Variants in DNAH9 observed in about 807,000 individuals in gnomAD.
DNAH9 encodes dynein axonemal heavy chain 9.
A neutral mutation model predicts 471.6 loss-of-function variants in DNAH9; 345 were observed. That is an observed-to-expected ratio of 0.73 (90% CI 0.67 to 0.80). The LOEUF (loss-of-function observed/expected upper bound fraction) is 0.80, where lower values mean the gene tolerates loss of function less well. Ranked by LOEUF, DNAH9 falls within the 30% of genes least tolerant of loss-of-function variation. The pLI is 0.00. For synonymous variants in DNAH9, 2,093 were observed against 2,123.6 expected (o/e 0.99, Z 0.40); for missense variants, 5,407 against 5,609.2 (o/e 0.96, Z 1.15).
chr17:11,754,946 C>A (rs1159241489), intron 33 of DNAH9, among the ~76,000 whole-genome samples: 1 of 152,052 alleles, frequency 6.6e-6, no homozygotes, highest in Non-Finnish European at 1.5e-5. Flanking sequence ...TCTTCCAGGG[C>A]TTTTATAGTT....
chr17:11,784,631 A>C, intron 41 of DNAH9, 92 bp downstream of exon 41: 13 of 1,557,350 alleles, frequency 8.3e-6, no homozygotes, highest in South Asian at 1.2e-5. Flanking sequence ...TGCCCAGCTC[A>C]TAGGCACAGG....
chr17:11,760,187 G>A (rs936676751), intron 35 of DNAH9, among the ~76,000 whole-genome samples: 1 of 152,172 alleles, frequency 6.6e-6, no homozygotes, highest in Admixed American at 6.5e-5. Flanking sequence ...CTTCGCTATT[G>A]TGAATAGTGC....
intron 36 of DNAH9, among the ~76,000 whole-genome samples, chr17:11,768,192 G>C (rs1968046783): frequency 6.6e-6 from 1 of 152,178 alleles, no homozygotes; most frequent in African/African-American, 2.4e-5. Flanking sequence ...CCCTTCAGTG[G>C]CTGTAAGACA....
chr17:11,702,859 G>T (rs533311391), intron 24 of DNAH9, among the ~76,000 whole-genome samples: 11 of 152,266 alleles, frequency 7.2e-5, no homozygotes, highest in African/African-American at 1.7e-4. Flanking sequence ...TTGGGAGGCT[G>T]AGGTGGGTGG....
chr17:11,669,561 T>A lies in DNAH9; in HGVS notation c.3120T>A (p.Ile1040=), dbSNP rs2073941323. Residue 1040 remains isoleucine (I), a synonymous_variant, in exon 17 of 69, where the codon ATT becomes ATA. Coordinates refer to ENST00000262442, the MANE Select transcript of DNAH9 (RefSeq NM_001372.4). ...LYGHILTPEE[I]EDHVEDGIPE... ...GGCACATCCTCACTCCGGAAGAAAT[T>A]GAAGACCATGTGGAAGATGGCATCC... 6.2e-7 allele frequency: 1 copy of A among 1,614,022 alleles called. No individual in the cohort carries two copies. Among genetic ancestry groups the A allele is most frequent in the Non-Finnish European group, 8.5e-7 (1 of 1,180,038 alleles).
intron 1 of DNAH9, among the ~76,000 whole-genome samples, chr17:11,600,571 A>G (rs1452893931): frequency 3.9e-5 from 6 of 152,252 alleles, no homozygotes; most frequent in African/African-American, 7.2e-5. Flanking sequence ...ATGTTCATCA[A>G]CAGGGGACTG....
intron 2 of DNAH9, among the ~76,000 whole-genome samples, chr17:11,608,578 A>T (rs1567661020): frequency 6.6e-6 from 1 of 152,122 alleles, no homozygotes; most frequent in African/African-American, 2.4e-5. Context: ...TCCTTTCAGA[A>T]TCATTTCAGG....
At chr17:11,669,323 C>G (rs2073936169) in intron 16 of DNAH9, 47 bp from the exon 17 acceptor site, 2 of 1,595,798 alleles carry the variant, frequency 1.3e-6, no homozygotes, top group Non-Finnish European at 8.5e-7. Flanking sequence ...CTCGAACTTC[C>G]TGCCACACAC....
Position 11,704,203 on chromosome 17 carries a change from G to A in DNAH9, c.5152G>A (p.Val1718Met). Residue 1718 changes from valine to methionine, a missense_variant and splice_region_variant, in exon 25 of 69, where the codon GTG becomes ATG. This residue lies in a region of DNAH9 where 4,636 missense variants were observed against 4,900.3 expected (regional missense o/e 0.95). Coordinates refer to ENST00000262442, the MANE Select transcript of DNAH9 (RefSeq NM_001372.4). The stretch of plus-strand genomic sequence containing the variant: ...TACTAGGCAACTCTTGCTGCCACAG[G>A]TGGCCCTGACCTGTACTCAGATCTG... ...EQWLFDHPAQ[V>M]ALTCTQIWWT... The A allele has an allele frequency of 6.2e-7, 1 of 1,614,080 alleles. No homozygotes were observed. The highest frequency in any genetic ancestry group is 8.5e-7 in the Non-Finnish European group (1 of 1,180,002).
intron 20 of DNAH9, among the ~76,000 whole-genome samples, chr17:11,692,553 G>A (rs964482240): frequency 1.3e-5 from 2 of 152,166 alleles, no homozygotes; most frequent in African/African-American, 4.8e-5. Flanking sequence ...CAGAAAGAAC[G>A]TTAGATCCAC....
chr17:11,917,345 T>C (rs1001093429), intron 61 of DNAH9, among the ~76,000 whole-genome samples: 7 of 152,050 alleles, frequency 4.6e-5, no homozygotes, highest in South Asian at 2.1e-4. Context: ...TTAGTAGAGA[T>C]GGGGTTTCAC....
chr17:11,946,850 T>C (rs965886135), intron 67 of DNAH9, among the ~76,000 whole-genome samples: 4 of 152,164 alleles, frequency 2.6e-5, no homozygotes, highest in African/African-American at 9.7e-5. Flanking sequence ...AACACATTAA[T>C]TGGACAAACC....
At chr17:11,858,835 GC>G (rs1487036701) in intron 50 of DNAH9, among the ~76,000 whole-genome samples, 1 of 152,082 alleles carries the variant, frequency 6.6e-6, no homozygotes, top group Non-Finnish European at 1.5e-5. Context: ...TGTAATCTCA[GC>G]ACTTTGGGAG....
chr17:11,943,102 G>A (rs1371226500), intron 67 of DNAH9, among the ~76,000 whole-genome samples: 2 of 151,634 alleles, frequency 1.3e-5, no homozygotes, highest in Admixed American at 6.6e-5. Flanking sequence ...CACCGTGTTA[G>A]CCAGGATGGT....
intron 6 of DNAH9, among the ~76,000 whole-genome samples, chr17:11,620,763 G>A (rs1166860615): frequency 1.3e-5 from 2 of 152,004 alleles, no homozygotes; most frequent in South Asian, 2.1e-4. Flanking sequence ...AACCATTCCC[G>A]CAAAGCTGGC....
Position 11,834,779 on chromosome 17 carries a change from C to A in DNAH9, c.9388C>A (p.Gln3130Lys). 6.2e-7 allele frequency: 1 copy of A among 1,614,012 alleles called. No individual in the cohort carries two copies. Among genetic ancestry groups the A allele is most frequent in the East Asian group, 2.2e-5 (1 of 44,878 alleles). Reference sequence around the variant, plus strand: ...GAAAGCCATGGCAGATGAAGAGGAGCAGAAGGTGGCCGTCATCATGCTAGA... The same window carrying A: ...GAAAGCCATGGCAGATGAAGAGGAGAAGAAGGTGGCCGTCATCATGCTAGA... ...REKAMADEEEQKVAVIMLEVK... is the reference protein window; with the variant it reads ...REKAMADEEEKKVAVIMLEVK... Residue 3130 changes from glutamine (Q) to lysine (K), a missense_variant, in exon 49 of 69, where the codon CAG (glutamine) becomes AAG (lysine). Physicochemically the swap from Gln to Lys is moderately conservative, Grantham distance 53 (BLOSUM62 1). Around this residue, in one of 3 missense-constraint regions of DNAH9, gnomAD observed 4,636 missense variants for 4,900.3 expected, o/e 0.95. Transcript: ENST00000262442.
intron 61 of DNAH9, among the ~76,000 whole-genome samples, chr17:11,909,723 G>A (rs561688085): frequency 4.0e-5 from 6 of 151,720 alleles, no homozygotes; most frequent in South Asian, 2.1e-4. Flanking sequence ...GACTCTCCTC[G>A]TGCTCCCAAA....
intron 7 of DNAH9, among the ~76,000 whole-genome samples, chr17:11,632,185 T>C (rs1391154215): frequency 6.6e-6 from 1 of 152,196 alleles, no homozygotes; most frequent in Admixed American, 6.5e-5. Flanking sequence ...AAAAACAGAA[T>C]TCTGACTTGG....
intron 1 of DNAH9, among the ~76,000 whole-genome samples, chr17:11,600,419 A>T (rs2072361032): frequency 6.6e-6 from 1 of 152,208 alleles, no homozygotes; most frequent in Non-Finnish European, 1.5e-5. Flanking sequence ...AACCTAGTGT[A>T]TGTGGGAGAC....
Sources: gnomAD v4.1 joint callset for allele counts (sites outside exome capture counted in the v4.1 genomes callset) on GRCh38, gnomAD v4.1.1 for gene constraint, gnomAD v4.1.1 regional missense constraint, MANE v1.5 for transcripts, NCBI Gene and HGNC (gene_info 2026-07-23, HGNC 2026-07-21) for gene names.